Variants in CPNE4 observed in about 807,000 individuals in gnomAD.
CPNE4 encodes the protein copine-4.
CPNE4 carries 25 observed loss-of-function variants against 67.9 expected under a neutral mutation model. The ratio of observed to expected loss-of-function variants is 0.37; its 90% CI spans 0.27 to 0.51. The LOEUF is 0.51. Ranked by LOEUF, CPNE4 falls within the 20% of genes least tolerant of loss-of-function variation. CPNE4 has a pLI of 0.93. For synonymous variants in CPNE4, 242 were observed against 244.9 expected, an observed-to-expected ratio of 0.99 and a Z score of 0.11; for missense variants, 464 against 690.8, an observed-to-expected ratio of 0.67 and a Z score of 3.68.
rs529632995 is a variant in CPNE4, at chr3:131,623,974, C to T, written c.682-36392G>A. Among the ~76,000 whole-genome samples, 578 of 152,284 alleles carry T rather than the reference C, an allele frequency of 3.8e-3. 3 individuals carry two copies. The highest frequency in any genetic ancestry group is 0.013 in the African/African-American group (527 of 41,554). ...ATAAAGAGAGTATAGCTCCTTTTCT[C>T]CTTATTTGTCACGGCAGTTGTTTAC... On this transcript the variant is annotated intron_variant, in intron 7 of 15. Transcript: ENST00000429747.
At chr3:131,954,520 A>G (rs1369930933) in intron 1 of CPNE4, among the ~76,000 whole-genome samples, 2 of 152,210 alleles carry the variant, frequency 1.3e-5, no homozygotes, top group African/African-American at 4.8e-5. Context: ...ATTATACTTT[A>G]AGTTCTAGGG....
intron 2 of CPNE4, among the ~76,000 whole-genome samples, chr3:131,731,533 T>C (rs1318471297): frequency 6.6e-6 from 1 of 152,150 alleles, no homozygotes; most frequent in Non-Finnish European, 1.5e-5. Flanking sequence ...CCTCTATAGC[T>C]GTTCCTTTTC....
intron 5 of CPNE4, among the ~76,000 whole-genome samples, chr3:131,692,148 T>TA (rs1255025682): frequency 6.6e-6 from 1 of 152,194 alleles, no homozygotes; most frequent in Non-Finnish European, 1.5e-5. Flanking sequence ...AAGCAGTTCA[T>TA]ACCCATGACG....
chr3:131,945,829 T>C (rs1455273933), intron 1 of CPNE4, among the ~76,000 whole-genome samples: 1 of 152,132 alleles, frequency 6.6e-6, no homozygotes, highest in African/African-American at 2.4e-5. Context: ...AAAATGAAGA[T>C]AGGAATAGGA....
At chr3:131,564,418 A>G in intron 10 of CPNE4, 69 bp from the exon 11 acceptor site, 1 of 1,485,544 alleles carries the variant, frequency 6.7e-7, no homozygotes, top group South Asian at 1.3e-5. Context: ...GTGATCAGTC[A>G]TGAGAGAGAC....
At chr3:131,594,931 T>C (rs764676810) in intron 7 of CPNE4, among the ~76,000 whole-genome samples, 5 of 152,192 alleles carry the variant, frequency 3.3e-5, no homozygotes, top group Non-Finnish European at 5.9e-5. Flanking sequence ...GGCATACAAA[T>C]GGCCAACAGG....
At chr3:131,709,870 C>A (rs896177039) in intron 3 of CPNE4, among the ~76,000 whole-genome samples, 3 of 152,216 alleles carry the variant, frequency 2.0e-5, no homozygotes, top group Non-Finnish European at 4.4e-5. Context: ...CATGCCCACA[C>A]TTTTACATTT....
intron 7 of CPNE4, among the ~76,000 whole-genome samples, chr3:131,668,471 C>T (rs1382112100): frequency 6.6e-6 from 1 of 152,104 alleles, no homozygotes; most frequent in East Asian, 1.9e-4. Context: ...TTTTCAGAGT[C>T]TGAAGCCATT....
chr3:131,650,475 C>CATAAAATTTAAAACATACATACTATATT (rs2079780509), intron 7 of CPNE4, among the ~76,000 whole-genome samples: 6 of 146,294 alleles, frequency 4.1e-5, no homozygotes, highest in African/African-American at 1.3e-4. Flanking sequence ...TCTATTATTG[C>CATAAAATTTAAAACATACATACTATATT]GGCCGGGCGC....
chr3:131,886,303 G>A (rs1169955263), intron 2 of CPNE4, among the ~76,000 whole-genome samples: 1 of 152,128 alleles, frequency 6.6e-6, no homozygotes. Flanking sequence ...ACGTGGTGTT[G>A]AGCCTGCAGG....
chr3:131,625,251 GC>G (rs959457364), intron 7 of CPNE4, among the ~76,000 whole-genome samples: 41 of 152,114 alleles, frequency 2.7e-4, no homozygotes, highest in African/African-American at 8.5e-4. Context: ...AAACTCTATT[GC>G]CCAATTAGTC....
chr3:131,775,695 G>A (rs767166335), intron 2 of CPNE4, among the ~76,000 whole-genome samples: 3 of 152,138 alleles, frequency 2.0e-5, no homozygotes, highest in Non-Finnish European at 4.4e-5. Flanking sequence ...GGCCTTGCTA[G>A]CCACATAGAA....
intron 1 of CPNE4, among the ~76,000 whole-genome samples, chr3:132,031,725 G>C (rs939059492): frequency 6.6e-6 from 1 of 152,170 alleles, no homozygotes; most frequent in African/African-American, 2.4e-5. Flanking sequence ...AGAAGGCATA[G>C]TGCAAACCTT....
At chr3:131,653,370 G>A (rs974302883) in intron 7 of CPNE4, among the ~76,000 whole-genome samples, 5 of 151,870 alleles carry the variant, frequency 3.3e-5, no homozygotes, top group African/African-American at 4.8e-5. Context: ...GGATGGTCTC[G>A]ATCTGCTGAC....
chr3:131,609,302 C>T lies in CPNE4; in HGVS notation c.682-21720G>A, dbSNP rs145980799. On this transcript the variant is annotated intron_variant, in intron 7 of 15. Transcript: ENST00000429747. The stretch of plus-strand genomic sequence containing the variant: ...TGAACGACATGGTTGGTTAGCTATC[C>T]ACCAAATATTTGTGCTTTCCAGTGT... Among the ~76,000 whole-genome samples, 496 of 152,230 alleles carry T rather than the reference C, an allele frequency of 3.3e-3. 2 individuals are homozygous for T. The highest frequency in any genetic ancestry group is 0.011 in the African/African-American group (455 of 41,544).
At chr3:131,728,896 C>T (rs1017789114) in intron 2 of CPNE4, among the ~76,000 whole-genome samples, 1 of 80,904 alleles carries the variant, frequency 1.2e-5, no homozygotes. Context: ...GGCAACAGAG[C>T]CTCAAAAAAA....
intron 2 of CPNE4, among the ~76,000 whole-genome samples, chr3:131,804,597 A>G (rs1279709887): frequency 6.6e-6 from 1 of 152,124 alleles, no homozygotes; most frequent in Non-Finnish European, 1.5e-5. Context: ...GTGACTTTCA[A>G]TTCATCTGCT....
intron 7 of CPNE4, among the ~76,000 whole-genome samples, chr3:131,613,211 T>C (rs1939948853): frequency 6.6e-6 from 1 of 152,182 alleles, no homozygotes; most frequent in South Asian, 2.1e-4. Context: ...TTGAGCTTCT[T>C]TTTCTTACCA....
At chr3:131,964,199 C>G (rs1196427814) in intron 1 of CPNE4, among the ~76,000 whole-genome samples, 9 of 152,074 alleles carry the variant, frequency 5.9e-5, no homozygotes, top group African/African-American at 1.9e-4. Context: ...GACACCCACT[C>G]AAAAACCCCA....
Sources: gnomAD v4.1 joint callset for allele counts (sites outside exome capture counted in the v4.1 genomes callset) on GRCh38, gnomAD v4.1.1 for gene constraint, MANE v1.5 for transcripts, NCBI Gene and HGNC (gene_info 2026-07-23, HGNC 2026-07-21) for gene names.